Variants in THSD7B observed in about 807,000 individuals in gnomAD.
THSD7B encodes thrombospondin type 1 domain containing 7B, also known as thrombospondin type-1 domain-containing protein 7B.
Under a neutral mutation model 213.6 loss-of-function variants are expected in THSD7B, and 138 were observed. The ratio of observed to expected loss-of-function variants is 0.65; its 90% CI spans 0.56 to 0.74. THSD7B has a LOEUF of 0.74. Among genes scored for constraint, THSD7B ranks in the 30% least tolerant of loss-of-function variants. THSD7B has a pLI of 0.00. For synonymous variants in THSD7B, 742 were observed against 687.0 expected (o/e 1.08, Z -1.25); for missense variants, 1,931 against 1,991.5 (o/e 0.97, Z 0.58).
intron 7 of THSD7B, among the ~76,000 whole-genome samples, chr2:137,187,405 G>A (rs1330714622): frequency 3.9e-5 from 6 of 152,192 alleles, no homozygotes; most frequent in South Asian, 2.1e-4. Context: ...CAAAGCTCAA[G>A]AGCAGCACTT....
chr2:137,124,875 A>C (rs993857078), intron 5 of THSD7B, among the ~76,000 whole-genome samples: 2 of 152,184 alleles, frequency 1.3e-5, no homozygotes, highest in African/African-American at 2.4e-5. Context: ...GAACACTTAA[A>C]GTCTACTCTG....
At chr2:137,305,300 G>C (rs975193297) in intron 12 of THSD7B, among the ~76,000 whole-genome samples, 8 of 152,058 alleles carry the variant, frequency 5.3e-5, no homozygotes, top group Non-Finnish European at 1.2e-4. Flanking sequence ...CAGAGACTTG[G>C]CTTACACAGT....
At chr2:137,182,369 G>A (rs537369918) in intron 7 of THSD7B, among the ~76,000 whole-genome samples, 2 of 152,252 alleles carry the variant, frequency 1.3e-5, no homozygotes, top group Admixed American at 1.3e-4. Context: ...TGTGTGCCTG[G>A]AGAACATAAT....
At chr2:136,878,478 T>C (rs1473908676) in intron 1 of THSD7B, among the ~76,000 whole-genome samples, 2 of 152,252 alleles carry the variant, frequency 1.3e-5, no homozygotes, top group East Asian at 1.9e-4. Flanking sequence ...TTCTAGATCC[T>C]TGAGGAATTG....
At chr2:136,863,969 G>A (rs369538463) in intron 1 of THSD7B, among the ~76,000 whole-genome samples, 1 of 152,182 alleles carries the variant, frequency 6.6e-6, no homozygotes, top group East Asian at 1.9e-4. Context: ...AAAAGTTGAT[G>A]GTGGCTCTGT....
At chr2:136,947,843 T>C (rs1407855310) in intron 2 of THSD7B, among the ~76,000 whole-genome samples, 1 of 152,214 alleles carries the variant, frequency 6.6e-6, no homozygotes, top group East Asian at 1.9e-4. Context: ...ATTTGGAAAC[T>C]TAACACTTCA....
At chr2:137,162,187 A>G (rs1680032405) in intron 6 of THSD7B, among the ~76,000 whole-genome samples, 1 of 152,168 alleles carries the variant, frequency 6.6e-6, no homozygotes, top group African/African-American at 2.4e-5. Flanking sequence ...AAACAGGCCA[A>G]TGGGTCTCCG....
At chr2:137,340,668 A>G (rs141408697) in intron 12 of THSD7B, among the ~76,000 whole-genome samples, 111 of 151,866 alleles carry the variant, frequency 7.3e-4, no homozygotes, top group African/African-American at 2.4e-3. Flanking sequence ...GTAGGTGAGA[A>G]TATGCAGTAT....
At position 137,549,308 on chromosome 2, in the gene THSD7B, C is replaced by CTTTTTTTTTT. The variant is rs1680797969; in HGVS notation, c.3139-13912_3139-13911insTTTTTTTTTT. 7.0e-5 allele frequency among the ~76,000 whole-genome samples: 7 copies of CTTTTTTTTTT among 100,178 alleles called. 2 individuals carry two copies. The highest frequency in any genetic ancestry group is 3.4e-4 in the South Asian group (1 of 2,912). 65.7% of individuals were successfully genotyped at this position (100,178 alleles called of 152,430 possible). On this transcript the variant is annotated intron_variant, in intron 15 of 27. Transcript: ENST00000409968. ...GCAGACATGTCTTTTTTTTCAGATG[C>CTTTTTTTTTT]TCTTTTTTTTTTTTTTTTTTTTTTT...
At chr2:137,208,266 T>G (rs146028421) in intron 7 of THSD7B, among the ~76,000 whole-genome samples, 7,014 of 152,138 alleles carry the variant, frequency 0.046, 198 homozygotes, top group Admixed American at 0.068. Flanking sequence ...ATTTACTTAA[T>G]CTAAATGGGT....
intron 1 of THSD7B, among the ~76,000 whole-genome samples, chr2:136,813,321 A>G (rs932470333): frequency 1.3e-5 from 2 of 152,200 alleles, no homozygotes; most frequent in African/African-American, 4.8e-5. Context: ...GACTTACCAG[A>G]CACTGCTGTG....
chr2:137,221,077 G>C (rs1336653188), intron 7 of THSD7B, among the ~76,000 whole-genome samples: 1 of 152,116 alleles, frequency 6.6e-6, no homozygotes, highest in Non-Finnish European at 1.5e-5. Flanking sequence ...GAGGCGGGCG[G>C]ATCACGAGGT....
chr2:136,868,335 A>C (rs1683379349), intron 1 of THSD7B, among the ~76,000 whole-genome samples: 1 of 151,952 alleles, frequency 6.6e-6, no homozygotes, highest in Admixed American at 6.6e-5. Context: ...GATAAAAGTA[A>C]ATTCTATCAA....
intron 5 of THSD7B, among the ~76,000 whole-genome samples, chr2:137,149,601 A>C (rs1210961585): frequency 2.6e-5 from 4 of 152,332 alleles, no homozygotes; most frequent in African/African-American, 9.6e-5. Flanking sequence ...GCCCAAGGCC[A>C]TGAGAGCCCA....
At chr2:137,575,742 A>ATATATATATATATATATATATATATTTT (rs1235744133) in intron 17 of THSD7B, among the ~76,000 whole-genome samples, 79 of 147,396 alleles carry the variant, frequency 5.4e-4, no homozygotes, top group Middle Eastern at 7.4e-3. Context: ...ATATATATAT[A>ATATATATATATATATATATATATATTTT]TTTTTACTTT....
chr2:137,134,387 C>T (rs1476460300), intron 5 of THSD7B, among the ~76,000 whole-genome samples: 1 of 152,182 alleles, frequency 6.6e-6, no homozygotes, highest in East Asian at 1.9e-4. Flanking sequence ...CAGCAGTGGT[C>T]TCCTGTTGAC....
chr2:137,558,267 A>G (rs1681026895), intron 15 of THSD7B, among the ~76,000 whole-genome samples: 2 of 152,194 alleles, frequency 1.3e-5, no homozygotes, highest in African/African-American at 2.4e-5. Context: ...CAAAAAAAGA[A>G]AATTTTAGAC....
chr2:137,212,583 A>G (rs567208710), intron 7 of THSD7B, among the ~76,000 whole-genome samples: 1 of 152,208 alleles, frequency 6.6e-6, no homozygotes, highest in East Asian at 1.9e-4. Context: ...TCAAAATGGA[A>G]TGTATTGAGG....
chr2:137,360,585 G>A (rs532739799), intron 12 of THSD7B, among the ~76,000 whole-genome samples: 19 of 152,284 alleles, frequency 1.2e-4, no homozygotes, highest in African/African-American at 4.6e-4. Flanking sequence ...CTCAGTGGGT[G>A]CCAAACCCAC....
Sources: allele counts gnomAD v4.1 joint callset (sites outside exome capture counted in the v4.1 genomes callset), GRCh38; gene constraint gnomAD v4.1.1; transcripts MANE v1.5; gene names NCBI Gene and HGNC (gene_info 2026-07-23, HGNC 2026-07-21).